TUSC3: variants seen among roughly 807,000 people sequenced by gnomAD.
TUSC3 encodes the protein tumor suppressor candidate 3.
Under a neutral mutation model 44.8 loss-of-function variants are expected in TUSC3, and 45 were observed. The observed-to-expected ratio is 1.00, with a 90% CI of 0.79 to 1.29. The LOEUF (loss-of-function observed/expected upper bound fraction) is 1.29, where lower values mean the gene tolerates loss of function less well. Ranked by LOEUF, TUSC3 falls within the 50% of genes most tolerant of loss-of-function variation. The pLI is 0.00. For missense variants in TUSC3, 519 were observed against 437.9 expected, an observed-to-expected ratio of 1.19 and a Z score of -1.65; for synonymous variants, 212 against 152.9, an observed-to-expected ratio of 1.39 and a Z score of -2.85.
the TUSC3 span, among the ~76,000 whole-genome samples, chr8:15,784,529 T>TAC: frequency 1.3e-5 from 2 of 152,048 alleles, no homozygotes; most frequent in South Asian, 2.1e-4. Flanking sequence ...TATATATATA[T>TAC]ACATATGTGT....
intron 9 of TUSC3, among the ~76,000 whole-genome samples, chr8:15,751,809 T>C (rs562633929): frequency 2.0e-5 from 3 of 152,314 alleles, no homozygotes; most frequent in Admixed American, 6.5e-5. Flanking sequence ...CAAAACTCTG[T>C]GGCTTCTTAT....
chr8:15,504,672 G>A (rs1337083778), intron 2 of TUSC3, among the ~76,000 whole-genome samples: 6 of 91,600 alleles, frequency 6.6e-5, no homozygotes, highest in Non-Finnish European at 8.9e-5. Flanking sequence ...TGTTTTTTTC[G>A]AGATGGAGTC....
At chr8:15,833,284 T>C in the TUSC3 span, among the ~76,000 whole-genome samples, 1 of 152,130 alleles carries the variant, frequency 6.6e-6, no homozygotes, top group African/African-American at 2.4e-5. Flanking sequence ...GTTCAACCAT[T>C]GTGGAAAACA....
intron 6 of TUSC3, among the ~76,000 whole-genome samples, chr8:15,691,122 C>T (rs1188207494): frequency 1.3e-5 from 2 of 151,868 alleles, no homozygotes; most frequent in East Asian, 3.9e-4. Context: ...TATAGTGATT[C>T]TTCCTAATCA....
chr8:15,658,178 A>G, intron 3 of TUSC3, among the ~76,000 whole-genome samples: 1 of 152,234 alleles, frequency 6.6e-6, no homozygotes, highest in South Asian at 2.1e-4. Context: ...TAGTGTTTGA[A>G]GAGCACTAAT....
chr8:15,578,783 T>TG (rs1330811509), intron 1 of TUSC3, among the ~76,000 whole-genome samples: 1 of 152,096 alleles, frequency 6.6e-6, no homozygotes, highest in African/African-American at 2.4e-5. Context: ...TCTCTTTTTT[T>TG]GTTGTGTCTC....
intron 5 of TUSC3, among the ~76,000 whole-genome samples, chr8:15,671,275 A>T (rs917189361): frequency 6.6e-6 from 1 of 152,004 alleles, no homozygotes; most frequent in African/African-American, 2.4e-5. Flanking sequence ...TGTGAAAATT[A>T]ATCTAGCTGT....
the TUSC3 span, among the ~76,000 whole-genome samples, chr8:15,847,621 T>C: frequency 6.6e-6 from 1 of 152,308 alleles, no homozygotes; most frequent in East Asian, 1.9e-4. Flanking sequence ...TTTAAAAAGC[T>C]CTTGTTTGGA....
At chr8:15,736,400 A>G (rs1408005244) in intron 7 of TUSC3, among the ~76,000 whole-genome samples, 2 of 152,218 alleles carry the variant, frequency 1.3e-5, no homozygotes, top group African/African-American at 4.8e-5. Flanking sequence ...ATTAGTATGC[A>G]TATGAAATAT....
At chr8:15,827,810 T>C in the TUSC3 span, among the ~76,000 whole-genome samples, 1 of 152,052 alleles carries the variant, frequency 6.6e-6, no homozygotes, top group South Asian at 2.1e-4. Flanking sequence ...TTCAAGTTGA[T>C]GATATTTAGA....
At chr8:15,446,405 G>A (rs181177255) in intron 1 of TUSC3, among the ~76,000 whole-genome samples, 4 of 152,126 alleles carry the variant, frequency 2.6e-5, no homozygotes, top group African/African-American at 4.8e-5. Context: ...GTAGCGAGTC[G>A]AGATCACGCC....
chr8:15,668,385 T>C (rs1251834002), intron 5 of TUSC3, among the ~76,000 whole-genome samples: 1 of 151,780 alleles, frequency 6.6e-6, no homozygotes, highest in African/African-American at 2.4e-5. Context: ...CATTTACCTT[T>C]TCTATGTTTG....
At position 15,454,300 on chromosome 8, in the gene TUSC3, C is replaced by G. The variant is rs760532175; in HGVS notation, n.92-29086C>G. Among the ~76,000 whole-genome samples the G allele has an allele frequency of 6.0e-4, 91 of 152,140 alleles. 1 individual carries two copies. Among genetic ancestry groups the G allele is most frequent in the Admixed American group, 4.1e-3 (62 of 15,258 alleles). On this transcript the variant is annotated intron_variant and non_coding_transcript_variant, in intron 1 of 5. Coordinates refer to the TUSC3 transcript ENST00000503191. ...GATCTAAAGCTTCTTAATAAACTTT[C>G]ACTCCTACTGTAAAACCTGCCCTGC...
At chr8:15,659,729 C>T (rs1413754787) in intron 4 of TUSC3, 82 bp downstream of exon 4, 2 of 1,556,928 alleles carry the variant, frequency 1.3e-6, no homozygotes, top group Admixed American at 1.7e-5. Context: ...CACAGTAATA[C>T]TTTTTAATTT....
intron 2 of TUSC3, among the ~76,000 whole-genome samples, chr8:15,505,038 T>C (rs563118352): frequency 6.6e-6 from 1 of 152,132 alleles, no homozygotes; most frequent in African/African-American, 2.4e-5. Flanking sequence ...ACCAAAATAA[T>C]AAAAATATTG....
chr8:15,794,207 C>G, the TUSC3 span, among the ~76,000 whole-genome samples: 1 of 152,160 alleles, frequency 6.6e-6, no homozygotes, highest in Non-Finnish European at 1.5e-5. Context: ...GAGAAACACT[C>G]TCTTCTTGGT....
chr8:15,475,966 A>G (rs1177173109), intron 1 of TUSC3, among the ~76,000 whole-genome samples: 3 of 152,202 alleles, frequency 2.0e-5, no homozygotes, highest in African/African-American at 7.2e-5. Flanking sequence ...GGACTTCTGG[A>G]ATTTTAACAA....
intron 1 of TUSC3, among the ~76,000 whole-genome samples, chr8:15,541,307 G>A (rs763068101): frequency 3.3e-5 from 5 of 152,228 alleles, no homozygotes; most frequent in African/African-American, 4.8e-5. Flanking sequence ...TGGAGTGTTT[G>A]TAAGTTCTAA....
chr8:15,642,716 T>C (rs1207257894), intron 2 of TUSC3, among the ~76,000 whole-genome samples: 2 of 152,156 alleles, frequency 1.3e-5, no homozygotes, highest in Admixed American at 1.3e-4. Flanking sequence ...ACTTAACAGA[T>C]ATTTTTTGAG....
Sources: gnomAD v4.1 joint callset for allele counts (sites outside exome capture counted in the v4.1 genomes callset) on GRCh38, gnomAD v4.1.1 for gene constraint, MANE v1.5 for transcripts, NCBI Gene and HGNC (gene_info 2026-07-23, HGNC 2026-07-21) for gene names.